Variants in ANGEL1 observed in about 807,000 individuals in gnomAD.
The protein encoded by ANGEL1 is angel homolog 1, also known as RNA 2',3'-cyclic phosphatase ANGEL1.
ANGEL1 carries 62 observed loss-of-function variants against 76.4 expected under a neutral mutation model. The observed-to-expected ratio is 0.81, with a 90% CI of 0.66 to 1.00. The LOEUF is 1.00. Ranked by LOEUF, ANGEL1 falls within the 50% of genes least tolerant of loss-of-function variation. The pLI, the probability that ANGEL1 is intolerant of heterozygous loss-of-function variation, is 0.00. For missense variants in ANGEL1, 737 were observed against 836.7 expected (o/e 0.88, Z 1.47); for synonymous variants, 340 against 331.7 (o/e 1.03, Z -0.27).
At chr14:76,801,535 C>T (rs1894764048) in intron 7 of ANGEL1, among the ~76,000 whole-genome samples, 1 of 152,072 alleles carries the variant, frequency 6.6e-6, no homozygotes, top group South Asian at 2.1e-4. Context: ...ATATTATAGG[C>T]TTTCTTCTTT....
chr14:76,807,455 C>T lies in ANGEL1; in HGVS notation c.924G>A (p.Leu308=), dbSNP rs778517494. 3 of 1,613,022 alleles carry T rather than the reference C, an allele frequency of 1.9e-6. No homozygotes were observed. In the South Asian group the frequency reaches 3.3e-5, roughly 18 times the overall value. ...TACCCATCATTCGCAGAGAGGGTTCCAGCTGCTCCCAGTAATGATCTTCCT... is the reference window on the plus strand; with the variant it reads ...TACCCATCATTCGCAGAGAGGGTTCTAGCTGCTCCCAGTAATGATCTTCCT... The part of the protein sequence containing the change: ...EVQEDHYWEQ[L]EPSLRMMGFT... The change falls in exon 4 of 10, where the codon CTG becomes CTA. Residue 308 remains leucine, a synonymous_variant. Coordinates refer to ENST00000251089, the MANE Select transcript of ANGEL1 (RefSeq NM_015305.4).
chr14:76,804,228 G>A, intron 5 of ANGEL1: 1 of 1,391,728 alleles, frequency 7.2e-7, no homozygotes, highest in Non-Finnish European at 9.3e-7. Flanking sequence ...TCCTCCACAG[G>A]GAATATCAAC....
chr14:76,799,583 G>A (rs529247525), intron 7 of ANGEL1, among the ~76,000 whole-genome samples: 14 of 152,058 alleles, frequency 9.2e-5, no homozygotes, highest in South Asian at 4.1e-4. Flanking sequence ...GTGAGCCACC[G>A]CGCCCGGCCC....
At chr14:76,799,416 CCCGAGT>C (rs1001345611) in intron 7 of ANGEL1, among the ~76,000 whole-genome samples, 13 of 151,042 alleles carry the variant, frequency 8.6e-5, no homozygotes, top group African/African-American at 3.2e-4. Flanking sequence ...GCCTCAGCCT[CCCGAGT>C]AGCTGGGACT....
At chr14:76,807,334 A>T in intron 4 of ANGEL1, 99 bp downstream of exon 4, 1 of 1,219,138 alleles carries the variant, frequency 8.2e-7, no homozygotes, top group African/African-American at 1.5e-5. Context: ...GGTGAAACTG[A>T]GGGTTTACTA....
In ANGEL1 at chr14:76,809,067, G is replaced by C. The variant is rs1175649107; in HGVS notation, c.641C>G (p.Pro214Arg). The C allele has an allele frequency of 6.2e-7, 1 of 1,610,086 alleles. No homozygotes were observed. Among genetic ancestry groups the C allele is most frequent in the Non-Finnish European group, 8.5e-7 (1 of 1,177,602 alleles). ...GQLQPPAVEI[P>R]YHEILWREWE... ...CCAGTTGTCAGACTCACCATGATAT[G>C]GTATTTCCACTGCGGGAGGCTGCAA... is the stretch of plus-strand genomic sequence containing the variant. The change falls in exon 2 of 10, where the codon CCA becomes CGA. Residue 214 changes from proline (P) to arginine (R), a missense_variant. This residue lies in a region of ANGEL1 where 441 missense variants were observed against 449.5 expected (regional missense o/e 0.98). Coordinates refer to ENST00000251089, the MANE Select transcript of ANGEL1 (RefSeq NM_015305.4).
chr14:76,791,516 G>A, intron 7 of ANGEL1, 150 bp from the exon 8 acceptor site: 6 of 691,010 alleles, frequency 8.7e-6, no homozygotes, highest in Non-Finnish European at 1.4e-5. Context: ...AGGAGGAGAA[G>A]ATGACCATAA....
chr14:76,811,860 A>G (rs779433200), intron 1 of ANGEL1, among the ~76,000 whole-genome samples: 1 of 152,224 alleles, frequency 6.6e-6, no homozygotes, highest in Non-Finnish European at 1.5e-5. Context: ...AAATATTTCT[A>G]TATGAAATAT....
chr14:76,803,459 G>C lies in ANGEL1; in HGVS notation c.1530C>G (p.Asp510Glu). 6.2e-7 allele frequency: 1 copy of C among 1,614,228 alleles called. No homozygotes were observed. Among genetic ancestry groups the C allele is most frequent in the Non-Finnish European group, 8.5e-7 (1 of 1,180,040 alleles). ...TGCAGAAGCGGAAACGTAGCAGGAA[G>C]TCTCGGCCATACTTGCGTCTCTCTG... Reference protein sequence around the residue: ...KRSERRKYGRDFLLRFRFCSI... With the variant: ...KRSERRKYGREFLLRFRFCSI... Residue 510 changes from aspartate (D) to glutamate (E), a missense_variant, in exon 7 of 10, where the codon GAC becomes GAG. Physicochemically the swap from Asp to Glu is conservative, Grantham distance 45 (BLOSUM62 2). Transcript: ENST00000251089.
At position 76,801,401 on chromosome 14, in the gene ANGEL1, G is replaced by C. The variant is rs113641850; in HGVS notation, c.1618+1970C>G. Among the ~76,000 whole-genome samples the C allele has an allele frequency of 5.9e-3, 905 of 152,116 alleles. 12 individuals carry two copies. The highest frequency in any genetic ancestry group is 0.021 in the African/African-American group (876 of 41,518). On this transcript the variant is annotated intron_variant, in intron 7 of 9. Coordinates refer to ENST00000251089, the MANE Select transcript of ANGEL1 (RefSeq NM_015305.4). Reference sequence around the variant, plus strand: ...TGCTGGGACTATAGGTGTGAGCCAGGGTGCCTGGCTCCTGTATCATTTTTT... The same window carrying C: ...TGCTGGGACTATAGGTGTGAGCCAGCGTGCCTGGCTCCTGTATCATTTTTT...
At chr14:76,807,010 A>T (rs554676395) in intron 4 of ANGEL1, among the ~76,000 whole-genome samples, 161 bp from the exon 5 acceptor site, 1 of 152,296 alleles carries the variant, frequency 6.6e-6, no homozygotes, top group East Asian at 1.9e-4. Flanking sequence ...TCCCCCTTAC[A>T]TCGTAACCAG....
intron 7 of ANGEL1, among the ~76,000 whole-genome samples, chr14:76,792,616 A>T (rs1894439243): frequency 6.6e-6 from 1 of 152,218 alleles, no homozygotes; most frequent in Non-Finnish European, 1.5e-5. Flanking sequence ...ATGTCGCAAT[A>T]GAATACTTAA....
intron 2 of ANGEL1, 34 bp from the exon 3 acceptor site, chr14:76,808,182 G>C (rs1230042253): frequency 1.3e-6 from 2 of 1,582,536 alleles, no homozygotes; most frequent in Non-Finnish European, 1.7e-6. Context: ...TCAATGGCAA[G>C]TATGAGTAAT....
chr14:76,809,828 T>C (rs1420108502), intron 1 of ANGEL1, among the ~76,000 whole-genome samples, 185 bp from the exon 2 acceptor site: 2 of 152,230 alleles, frequency 1.3e-5, no homozygotes, highest in Non-Finnish European at 2.9e-5. Flanking sequence ...GTATTCACTA[T>C]GTGCCAGGCA....
In ANGEL1 at chr14:76,803,803, C is replaced by T; in HGVS notation, c.1490G>A (p.Cys497Tyr). The change falls in exon 6 of 10, where the codon TGT becomes TAT. Residue 497 changes from cysteine (C) to tyrosine (Y), a missense_variant. Transcript: ENST00000251089. ...GTGCTCACCTGATCTCTTGGGGTGA[C>T]AGGAGGTGACATACTGACAGCAATC... ...ITDCCQYVTS[C>Y]HPKRSERRKY... The T allele has an allele frequency of 6.2e-7, 1 of 1,613,112 alleles. No homozygotes were observed. Among genetic ancestry groups the T allele is most frequent in the Non-Finnish European group, 8.5e-7 (1 of 1,179,426 alleles).
chr14:76,804,245 G>T (rs1894850533), intron 5 of ANGEL1: 1 of 1,369,426 alleles, frequency 7.3e-7, no homozygotes. Context: ...CAACTCTCAG[G>T]GGCTTTAAGT....
intron 1 of ANGEL1, chr14:76,810,329 G>C (rs1030590803): frequency 1.2e-5 from 5 of 404,140 alleles, no homozygotes; most frequent in African/African-American, 1.0e-4. Flanking sequence ...GCTGAAATGA[G>C]AGGATTGCTT....
intron 7 of ANGEL1, among the ~76,000 whole-genome samples, chr14:76,796,444 C>T (rs1894581143): frequency 6.6e-6 from 1 of 151,760 alleles, no homozygotes; most frequent in Non-Finnish European, 1.5e-5. Context: ...TGTGTAGAGA[C>T]AGGGTTTTGC....
rs1894380832 is a variant in ANGEL1, at chr14:76,790,779, A to G, written c.1689-5T>C. On this transcript the variant is annotated splice_region_variant and splice_polypyrimidine_tract_variant and intron_variant, in intron 8 of 9. Coordinates refer to ENST00000251089, the MANE Select transcript of ANGEL1 (RefSeq NM_015305.4). ...TGCTGGATGGTACCTACAGTCCTAC[A>G]GGGATGAAGGGGGAAACATTAGTTA... is the stretch of plus-strand genomic sequence containing the variant. The G allele has an allele frequency of 2.5e-6, 4 of 1,576,498 alleles. No homozygotes were observed.
Sources: allele counts gnomAD v4.1 joint callset (sites outside exome capture counted in the v4.1 genomes callset), GRCh38; gene constraint gnomAD v4.1.1; regional missense constraint gnomAD v4.1.1; transcripts MANE v1.5; gene names NCBI Gene and HGNC (gene_info 2026-07-23, HGNC 2026-07-21).